PIBF1: variants seen among roughly 807,000 people sequenced by gnomAD.
PIBF1 encodes the protein progesterone-induced-blocking factor 1.
Under a neutral mutation model 112.5 loss-of-function variants are expected in PIBF1, and 90 were observed. That is an observed-to-expected ratio of 0.80 (90% CI 0.67 to 0.95). The LOEUF (loss-of-function observed/expected upper bound fraction) is 0.95. PIBF1 is among the 40% of genes least tolerant of loss of function. The pLI is 0.00. For synonymous variants in PIBF1, 301 were observed against 288.6 expected, an observed-to-expected ratio of 1.04 and a Z score of -0.44; for missense variants, 915 against 852.3, an observed-to-expected ratio of 1.07 and a Z score of -0.92.
At chr13:72,987,997 G>C (rs940956043) in intron 16 of PIBF1, among the ~76,000 whole-genome samples, 1 of 149,892 alleles carries the variant, frequency 6.7e-6, no homozygotes, top group African/African-American at 2.5e-5. Flanking sequence ...CAAGTAACTG[G>C]GACTACAGGC....
chr13:72,927,558 C>T (rs982575700), intron 13 of PIBF1, among the ~76,000 whole-genome samples: 5 of 151,796 alleles, frequency 3.3e-5, no homozygotes, highest in East Asian at 1.9e-4. Flanking sequence ...AGATAATTTT[C>T]GTGTTTTTAG....
chr13:72,947,740 A>G (rs1396270347), intron 14 of PIBF1, among the ~76,000 whole-genome samples: 1 of 152,220 alleles, frequency 6.6e-6, no homozygotes. Flanking sequence ...CATTGGGTAT[A>G]TACCCAAAGG....
At chr13:72,805,109 G>T (rs559351462) in intron 5 of PIBF1, among the ~76,000 whole-genome samples, 5 of 152,092 alleles carry the variant, frequency 3.3e-5, no homozygotes, top group Non-Finnish European at 7.4e-5. Context: ...AAGTAGCTGG[G>T]ATTACAGGCA....
At chr13:72,884,598 G>A (rs2138516496) in intron 10 of PIBF1, 1 of 152,156 alleles carries the variant, frequency 6.6e-6, no homozygotes, top group African/African-American at 2.4e-5. Context: ...ATACTGAGTT[G>A]CTTTGATTAT....
chr13:72,827,238 ATTTTTT>A (rs35211035), intron 7 of PIBF1, 120 bp downstream of exon 7: 757 of 141,674 alleles, frequency 5.3e-3, no homozygotes, highest in South Asian at 0.016. Flanking sequence ...AAAAAGATAA[ATTTTTT>A]TTTTTTTTTT....
At chr13:72,962,916 A>G (rs745555616) in intron 14 of PIBF1, among the ~76,000 whole-genome samples, 1 of 152,222 alleles carries the variant, frequency 6.6e-6, no homozygotes, top group African/African-American at 2.4e-5. Flanking sequence ...ACAGTGTGCA[A>G]CTAGAATAAG....
At chr13:72,789,324 A>G (rs1002291943) in intron 2 of PIBF1, among the ~76,000 whole-genome samples, 4 of 152,078 alleles carry the variant, frequency 2.6e-5, no homozygotes, top group African/African-American at 4.8e-5. Context: ...AGCTGAGACT[A>G]CAGGCGTGTA....
At chr13:72,840,023 C>T (rs762366579) in intron 9 of PIBF1, among the ~76,000 whole-genome samples, 15 of 152,178 alleles carry the variant, frequency 9.9e-5, no homozygotes, top group Admixed American at 6.5e-4. Context: ...CTAGAGTGGA[C>T]AATTGCCACC....
At chr13:72,909,577 C>T (rs2040827255) in intron 12 of PIBF1, among the ~76,000 whole-genome samples, 1 of 151,846 alleles carries the variant, frequency 6.6e-6, no homozygotes, top group African/African-American at 2.4e-5. Flanking sequence ...TCACCTCAAC[C>T]TCTGCCTCCC....
chr13:72,946,468 C>T (rs1319430621), intron 14 of PIBF1, among the ~76,000 whole-genome samples: 1 of 152,150 alleles, frequency 6.6e-6, no homozygotes, highest in African/African-American at 2.4e-5. Context: ...CTCATGTCCT[C>T]ATATTTCAAA....
intron 14 of PIBF1, among the ~76,000 whole-genome samples, chr13:72,941,993 T>C (rs1004133898): frequency 8.5e-5 from 13 of 152,306 alleles, no homozygotes; most frequent in East Asian, 7.7e-4. Context: ...ATGAGCTTTA[T>C]TGGTATAAAG....
chr13:72,851,982 A>G (rs1383225734), intron 9 of PIBF1, among the ~76,000 whole-genome samples: 3 of 152,148 alleles, frequency 2.0e-5, no homozygotes, highest in South Asian at 2.1e-4. Flanking sequence ...GTTAGGAGCT[A>G]CCCATTCCAG....
chr13:72,871,398 C>T (rs1289443389), intron 10 of PIBF1, among the ~76,000 whole-genome samples: 3 of 152,010 alleles, frequency 2.0e-5, no homozygotes, highest in African/African-American at 4.8e-5. Context: ...CTCCACCTCC[C>T]GGGTTCGAGC....
intron 8 of PIBF1, among the ~76,000 whole-genome samples, chr13:72,832,361 G>A (rs780332863): frequency 1.8e-4 from 28 of 151,986 alleles, no homozygotes; most frequent in South Asian, 6.2e-4. Flanking sequence ...TCATAGTGTC[G>A]ATGGTCTTTA....
At chr13:72,798,703 T>C (rs2035315968) in intron 5 of PIBF1, among the ~76,000 whole-genome samples, 1 of 152,160 alleles carries the variant, frequency 6.6e-6, no homozygotes, top group African/African-American at 2.4e-5. Flanking sequence ...AGTTATAGTC[T>C]ACTAACAAAA....
intron 15 of PIBF1, among the ~76,000 whole-genome samples, chr13:72,972,226 C>G (rs1421810541): frequency 1.3e-5 from 2 of 151,384 alleles, no homozygotes; most frequent in Non-Finnish European, 1.5e-5. Context: ...AGATGGGGGT[C>G]TCTCTGTGTT....
At chr13:72,903,068 TTA>T (rs2040562573) in intron 11 of PIBF1, among the ~76,000 whole-genome samples, 1 of 152,098 alleles carries the variant, frequency 6.6e-6, no homozygotes, top group Admixed American at 6.5e-5. Context: ...GCTAATGTTT[TTA>T]TGTTTTTCGT....
intron 9 of PIBF1, among the ~76,000 whole-genome samples, chr13:72,848,572 G>T (rs535130802): frequency 2.0e-5 from 3 of 152,082 alleles, no homozygotes; most frequent in Non-Finnish European, 4.4e-5. Context: ...TTGGCCGGGC[G>T]CGGTGGCTCA....
At chr13:72,958,115 G>C (rs1378701573) in intron 14 of PIBF1, among the ~76,000 whole-genome samples, 2 of 151,302 alleles carry the variant, frequency 1.3e-5, no homozygotes, top group African/African-American at 4.9e-5. Flanking sequence ...GTAAGACCTT[G>C]CCTCTTAAAA....
Sources: gnomAD v4.1 joint callset for allele counts (sites outside exome capture counted in the v4.1 genomes callset) on GRCh38, gnomAD v4.1.1 for gene constraint, MANE v1.5 for transcripts, NCBI Gene and HGNC (gene_info 2026-07-23, HGNC 2026-07-21) for gene names.